Variants in STARD8 observed in about 807,000 individuals in gnomAD.
STARD8 encodes stAR-related lipid transfer protein 8.
In STARD8, 25 loss-of-function variants were observed where a neutral mutation model predicts 69.4. The ratio of observed to expected loss-of-function variants is 0.36; its 90% CI spans 0.26 to 0.50. The LOEUF (loss-of-function observed/expected upper bound fraction) is 0.50, where lower values mean the gene tolerates loss of function less well. Ranked by LOEUF, STARD8 falls within the 20% of genes least tolerant of loss-of-function variation. The pLI, the probability that STARD8 is intolerant of heterozygous loss-of-function variation, is 0.96. For missense variants in STARD8, 921 were observed against 932.5 expected (o/e 0.99, Z 0.16); for synonymous variants, 389 against 374.6 (o/e 1.04, Z -0.45).
intron 3 of STARD8, among the ~76,000 whole-genome samples, chrX:68,713,870 A>G (rs1227276686): frequency 8.9e-6 from 1 of 111,988 alleles, no homozygotes; most frequent in Non-Finnish European, 1.9e-5. Context: ...CAGATGTCTG[A>G]TTGGTGTCTC....
chrX:68,652,872 C>CCCACACACGCCACACACACA (rs1556018096), intron 1 of STARD8, among the ~76,000 whole-genome samples: 2 of 27,242 alleles, frequency 7.3e-5, no homozygotes, highest in African/African-American at 3.6e-4. Context: ...CACACACACA[C>CCCACACACGCCACACACACA]CCACACCCCA....
intron 2 of STARD8, among the ~76,000 whole-genome samples, chrX:68,673,878 T>A (rs1271892201): frequency 1.8e-5 from 2 of 112,485 alleles, no homozygotes; most frequent in African/African-American, 3.2e-5. Flanking sequence ...AAGCAGAACC[T>A]CTTCCTAGAA....
intron 2 of STARD8, among the ~76,000 whole-genome samples, chrX:68,683,356 A>T (rs1369830604): frequency 8.9e-6 from 1 of 112,430 alleles, no homozygotes; most frequent in Non-Finnish European, 1.9e-5. Flanking sequence ...AATGGTAGCA[A>T]TAATAATTCA....
chrX:68,719,142 G>A (rs2080124317), intron 6 of STARD8, 83 bp from the exon 7 acceptor site: 15 of 1,022,754 alleles, frequency 1.5e-5, no homozygotes, highest in South Asian at 3.2e-5. Context: ...GGAGAAAAAA[G>A]GGGACCACAA....
intron 1 of STARD8, among the ~76,000 whole-genome samples, chrX:68,653,283 A>C (rs2079580210): frequency 1.5e-4 from 7 of 48,064 alleles, no homozygotes; most frequent in Admixed American, 2.6e-4. Flanking sequence ...CACACCACAC[A>C]CACACCACAC....
rs759398012 is a variant in STARD8 at position 68,724,139 on chromosome X, G to C, written c.3194+18G>C. The C allele has an allele frequency of 7.5e-6, 9 of 1,202,198 alleles. No individual in the cohort carries two copies. The Admixed American group carries it at 1.1e-4, about 15-fold the overall frequency. On this transcript the variant is annotated intron_variant, in intron 14 of 14. Transcript: ENST00000374599. ...GACCTCAGGTATCAGGCCTGGGACA[G>C]CCTGCTCGACCCCCTTGGCCTTGAC...
chrX:68,704,657 G>A (rs180750778), intron 2 of STARD8, among the ~76,000 whole-genome samples: 6 of 111,898 alleles, frequency 5.4e-5, no homozygotes, highest in Admixed American at 9.5e-5. Context: ...GGCAGTGGGC[G>A]TATTGGGAGG....
In STARD8 at chrX:68,668,621, G is replaced by A. The variant is rs115730362; in HGVS notation, c.79+3089G>A. Among the ~76,000 whole-genome samples the A allele has an allele frequency of 4.1e-3, 460 of 111,118 alleles. 6 individuals carry two copies. Among genetic ancestry groups the A allele is most frequent in the African/African-American group, 0.014 (429 of 30,522 alleles). ...AGGATCACTTGGTACCACCTTATAG[G>A]AGAGCATTAGGAATGTCCAACTGGC... On this transcript the variant is annotated intron_variant, in intron 2 of 14. Coordinates refer to ENST00000374599, the MANE Select transcript of STARD8 (RefSeq NM_001142503.3).
chrX:68,657,409 G>A, intron 1 of STARD8, among the ~76,000 whole-genome samples: 1 of 111,722 alleles, frequency 9.0e-6, no homozygotes, highest in Non-Finnish European at 1.9e-5. Flanking sequence ...TAGGTCTTGA[G>A]GAGATAGGTA....
intron 2 of STARD8, among the ~76,000 whole-genome samples, chrX:68,706,123 G>A (rs761429261): frequency 8.9e-6 from 1 of 111,943 alleles, no homozygotes; most frequent in Non-Finnish European, 1.9e-5. Context: ...TGTAGCCCCG[G>A]CCAAGACCGA....
At chrX:68,709,838 A>T (rs1279243397) in intron 2 of STARD8, among the ~76,000 whole-genome samples, 2 of 110,144 alleles carry the variant, frequency 1.8e-5, no homozygotes, top group Middle Eastern at 4.7e-3. Flanking sequence ...GAAAAAAAAA[A>T]CCCATAAACA....
At chrX:68,721,782 G>A in intron 10 of STARD8, 36 bp downstream of exon 10, 1 of 1,174,253 alleles carries the variant, frequency 8.5e-7, no homozygotes, top group South Asian at 1.9e-5. Flanking sequence ...GCCGGGCTGG[G>A]TCCAGACAAT....
intron 2 of STARD8, among the ~76,000 whole-genome samples, chrX:68,678,951 CTG>C (rs1479836536): frequency 8.9e-6 from 1 of 112,262 alleles, no homozygotes; most frequent in African/African-American, 3.2e-5. Flanking sequence ...CCAAATTTCT[CTG>C]TGCAGGTTTG....
intron 2 of STARD8, among the ~76,000 whole-genome samples, chrX:68,684,419 G>A (rs1454243543): frequency 1.8e-5 from 2 of 113,036 alleles, no homozygotes; most frequent in Non-Finnish European, 3.7e-5. Flanking sequence ...TAGCAGGGTG[G>A]GAAGTGACTG....
intron 1 of STARD8, among the ~76,000 whole-genome samples, chrX:68,653,307 C>T (rs2079581814): frequency 3.7e-5 from 1 of 27,332 alleles, no homozygotes; most frequent in Non-Finnish European, 6.9e-5. Flanking sequence ...ACACACACAC[C>T]ACACCACACA....
intron 2 of STARD8, among the ~76,000 whole-genome samples, chrX:68,686,297 A>G (rs904643850): frequency 8.9e-5 from 10 of 111,998 alleles, no homozygotes; most frequent in Non-Finnish European, 1.7e-4. Flanking sequence ...AAACACAGCC[A>G]TCATCCGCTC....
intron 2 of STARD8, among the ~76,000 whole-genome samples, chrX:68,671,025 G>A (rs1307082698): frequency 9.0e-6 from 1 of 111,587 alleles, no homozygotes; most frequent in Non-Finnish European, 1.9e-5. Flanking sequence ...CACCATGCTC[G>A]CCCTTCCAGT....
In STARD8 at chrX:68,669,736, GC is replaced by G. The variant is rs200396109; in HGVS notation, c.79+4208del. On this transcript the variant is annotated intron_variant, in intron 2 of 14. Transcript: ENST00000374599. ...TCAGCATCAGACTCATCCATCAGCT[GC>G]CCCAGACCCCTCCCCCAAGCTCTGA... 6.1e-3 allele frequency among the ~76,000 whole-genome samples: 682 copies of G among 112,304 alleles called. 3 individuals carry two copies. Among genetic ancestry groups the G allele is most frequent in the African/African-American group, 0.021 (656 of 30,888 alleles).
At chrX:68,721,898 C>T in intron 10 of STARD8, 149 bp from the exon 11 acceptor site, 2 of 786,561 alleles carry the variant, frequency 2.5e-6, no homozygotes, top group South Asian at 5.4e-5. Flanking sequence ...TGGTGGGATG[C>T]TGTGGAGCAG....
Sources: gnomAD v4.1 joint callset for allele counts (sites outside exome capture counted in the v4.1 genomes callset) on GRCh38, gnomAD v4.1.1 for gene constraint, MANE v1.5 for transcripts, NCBI Gene and HGNC (gene_info 2026-07-23, HGNC 2026-07-21) for gene names.